The following PLAC1 variants were observed in gnomAD, a reference collection of about 807,000 sequenced individuals.
The protein encoded by PLAC1 is placenta-specific protein 1.
For missense variants in PLAC1, 136 were observed against 163.2 expected (o/e 0.83, Z 0.91); for synonymous variants, 68 against 62.1 (o/e 1.09, Z -0.44).
intron 2 of PLAC1, among the ~76,000 whole-genome samples, chrX:134,594,531 TG>T (rs908957798): frequency 1.8e-5 from 2 of 111,699 alleles, no homozygotes; most frequent in Non-Finnish European, 3.8e-5. Context: ...GATCTCTGTT[TG>T]GGGAGTTTTT....
chrX:134,639,030 T>C (rs1305260154), intron 1 of PLAC1, among the ~76,000 whole-genome samples: 1 of 111,912 alleles, frequency 8.9e-6, no homozygotes. Flanking sequence ...AGTGAGAACA[T>C]GCAGTATTTG....
At chrX:134,668,511 G>A (rs1393602098) in intron 2 of PLAC1, among the ~76,000 whole-genome samples, 1 of 112,834 alleles carries the variant, frequency 8.9e-6, no homozygotes, top group Non-Finnish European at 1.9e-5. Flanking sequence ...ACTCTGTCTA[G>A]AGTTGGATGC....
intron 1 of PLAC1, among the ~76,000 whole-genome samples, chrX:134,621,421 G>A (rs186138657): frequency 3.4e-5 from 3 of 88,414 alleles, no homozygotes; most frequent in South Asian, 6.7e-4. Flanking sequence ...ACTCCAGCCC[G>A]GGCAACAGAG....
chrX:134,760,379 A>G (rs2078766927), intron 1 of PLAC1: 1 of 111,678 alleles, frequency 9.0e-6, no homozygotes, highest in Non-Finnish European at 1.9e-5. Flanking sequence ...TGGAAAAAAA[A>G]TTACAAAATT....
intron 1 of PLAC1, among the ~76,000 whole-genome samples, chrX:134,742,097 G>A (rs937189304): frequency 4.4e-5 from 5 of 112,476 alleles, no homozygotes; most frequent in African/African-American, 6.5e-5. Context: ...CTCATGTATG[G>A]CTGTCTAAAG....
chrX:134,616,678 A>G (rs1163352464), intron 1 of PLAC1, among the ~76,000 whole-genome samples: 2 of 111,577 alleles, frequency 1.8e-5, no homozygotes, highest in Admixed American at 1.9e-4. Context: ...TGCTTCAGCT[A>G]TCTGGGGTCT....
At chrX:134,572,970 T>A (rs1426230529) in intron 2 of PLAC1, among the ~76,000 whole-genome samples, 1 of 111,770 alleles carries the variant, frequency 8.9e-6, no homozygotes, top group Non-Finnish European at 1.9e-5. Flanking sequence ...AAATAAAGGT[T>A]GCAAAATAAA....
At chrX:134,704,292 G>C (rs1013754676) in intron 2 of PLAC1, among the ~76,000 whole-genome samples, 2 of 108,343 alleles carry the variant, frequency 1.8e-5, no homozygotes, top group South Asian at 4.1e-4. Context: ...TCAGGAATTC[G>C]AGACCAGACT....
At chrX:134,703,966 C>A (rs2078592269) in intron 2 of PLAC1, among the ~76,000 whole-genome samples, 1 of 105,324 alleles carries the variant, frequency 9.5e-6, no homozygotes, top group African/African-American at 3.5e-5. Flanking sequence ...CTGGTTAATA[C>A]CTTTAAAATT....
At chrX:134,746,148 CTCTGT>C (rs2078728581) in intron 1 of PLAC1, among the ~76,000 whole-genome samples, 2 of 112,631 alleles carry the variant, frequency 1.8e-5, no homozygotes, top group Non-Finnish European at 3.8e-5. Context: ...CAGTGTGACA[CTCTGT>C]TCTGGAGGGT....
chrX:134,658,103 T>C (rs1398113515), intron 1 of PLAC1, among the ~76,000 whole-genome samples: 3 of 112,130 alleles, frequency 2.7e-5, no homozygotes, highest in Non-Finnish European at 5.6e-5. Context: ...ACTGCCTCCT[T>C]CTCAGCAGCC....
intron 2 of PLAC1, among the ~76,000 whole-genome samples, chrX:134,680,539 T>C (rs1383214764): frequency 1.0e-5 from 1 of 99,791 alleles, no homozygotes; most frequent in African/African-American, 3.7e-5. Flanking sequence ...TGAACTAAAC[T>C]AAACTGAACT....
intron 2 of PLAC1, among the ~76,000 whole-genome samples, chrX:134,703,579 G>C (rs2078590673): frequency 9.1e-6 from 1 of 110,196 alleles, no homozygotes; most frequent in Non-Finnish European, 1.9e-5. Flanking sequence ...CTACAATAAA[G>C]GACTGGAGTT....
At chrX:134,757,800 G>A (rs964359436) in intron 1 of PLAC1, among the ~76,000 whole-genome samples, 3 of 110,924 alleles carry the variant, frequency 2.7e-5, no homozygotes, top group Non-Finnish European at 5.7e-5. Context: ...ATATATGTAT[G>A]TTCTATGTAG....
At chrX:134,665,616 C>T (rs1431212346) in intron 2 of PLAC1, among the ~76,000 whole-genome samples, 3 of 111,135 alleles carry the variant, frequency 2.7e-5, no homozygotes, top group Admixed American at 1.9e-4. Context: ...TTTTACCAAC[C>T]CTGTGGGATG....
intron 2 of PLAC1, among the ~76,000 whole-genome samples, chrX:134,715,062 A>G (rs1198399120): frequency 5.4e-5 from 6 of 112,118 alleles, no homozygotes; most frequent in Non-Finnish European, 5.6e-5. Flanking sequence ...ATATATTGAT[A>G]ACACAGATCA....
chrX:134,636,554 G>A (rs1316297472), intron 1 of PLAC1, among the ~76,000 whole-genome samples: 3 of 112,126 alleles, frequency 2.7e-5, no homozygotes, highest in Admixed American at 9.4e-5. Context: ...GATTCAAAGC[G>A]CAGGGAAGTG....
chrX:134,612,411 T>C (rs943127725), intron 1 of PLAC1, among the ~76,000 whole-genome samples: 1 of 112,280 alleles, frequency 8.9e-6, no homozygotes, highest in African/African-American at 3.2e-5. Context: ...GATGCTATCA[T>C]TAAAACAGGA....
chrX:134,638,121 A>T (rs1392042533), intron 1 of PLAC1, among the ~76,000 whole-genome samples: 2 of 112,279 alleles, frequency 1.8e-5, no homozygotes, highest in Admixed American at 1.9e-4. Flanking sequence ...GATGATGAAC[A>T]TTTAACTTGC....
Sources: allele counts gnomAD v4.1 joint callset (sites outside exome capture counted in the v4.1 genomes callset), GRCh38; gene constraint gnomAD v4.1.1; transcripts MANE v1.5; gene names NCBI Gene and HGNC (gene_info 2026-07-23, HGNC 2026-07-21).